The following GPD2 variants were observed in gnomAD, a reference collection of about 807,000 sequenced individuals.
GPD2 encodes the protein glycerol-3-phosphate dehydrogenase 2.
A neutral mutation model predicts 82.4 loss-of-function variants in GPD2; 54 were observed. The observed-to-expected ratio is 0.66, with a 90% CI of 0.53 to 0.82. The LOEUF (loss-of-function observed/expected upper bound fraction) is 0.82. Ranked by LOEUF, GPD2 falls within the 40% of genes least tolerant of loss-of-function variation. The probability of loss-of-function intolerance (pLI) is 0.00; values close to 1 mark genes in which losing one functional copy is unlikely to be tolerated. For synonymous variants in GPD2, 288 were observed against 306.1 expected (o/e 0.94, Z 0.62); for missense variants, 748 against 896.2 (o/e 0.83, Z 2.11).
At chr2:156,482,197 A>G (rs533793355) in intron 2 of GPD2, among the ~76,000 whole-genome samples, 1 of 152,372 alleles carries the variant, frequency 6.6e-6, no homozygotes, top group African/African-American at 2.4e-5. Flanking sequence ...TGGGATTAGT[A>G]GCAAATGATA....
chr2:156,498,748 A>T lies in GPD2; in HGVS notation c.274+2533A>T, dbSNP rs767507457. 4.6e-4 allele frequency among the ~76,000 whole-genome samples: 70 copies of T among 152,280 alleles called. 1 individual carries two copies. The highest frequency in any genetic ancestry group is 6.8e-3 in the Middle Eastern group (2 of 294). On this transcript the variant is annotated intron_variant, in intron 3 of 16. Coordinates refer to ENST00000438166, the MANE Select transcript of GPD2 (RefSeq NM_000408.5). ...TTTCAAGAGATGTGGAGAAAAAGAA[A>T]ATAGAAAGGAGGTAACTTGATGGTG...
Position 156,496,149 on chromosome 2 carries a change from T to C in GPD2, c.208T>C (p.Phe70Leu). 1.9e-6 allele frequency: 3 copies of C among 1,612,988 alleles called. No homozygotes were observed. Among genetic ancestry groups the C allele is most frequent in the Non-Finnish European group, 2.5e-6 (3 of 1,178,996 alleles). ...ACTGACTTTGCAAAACACATCTGAA[T>C]TTGATATCCTTGTTATTGGAGGAGG... ...QLLTLQNTSE[F>L]DILVIGGGAT... The change falls in exon 3 of 17, where the codon TTT becomes CTT. Residue 70 changes from phenylalanine to leucine, a missense_variant. Coordinates refer to ENST00000438166, the MANE Select transcript of GPD2 (RefSeq NM_000408.5).
At chr2:156,408,535 G>C in the GPD2 span, among the ~76,000 whole-genome samples, 1 of 151,774 alleles carries the variant, frequency 6.6e-6, no homozygotes, top group East Asian at 1.9e-4. Flanking sequence ...AGACCAGTCT[G>C]GGCAACATAG....
chr2:156,435,807 A>T (rs1688408177), upstream of GPD2: 1 of 152,404 alleles, frequency 6.6e-6, no homozygotes, highest in Non-Finnish European at 1.5e-5. Flanking sequence ...GTCGTCAGGT[A>T]AGCCAGCCCC....
At chr2:156,485,868 G>T (rs890391184) in intron 2 of GPD2, among the ~76,000 whole-genome samples, 5 of 152,132 alleles carry the variant, frequency 3.3e-5, no homozygotes, top group African/African-American at 1.2e-4. Flanking sequence ...TTCTAATCTG[G>T]TGGACAAATG....
Position 156,512,263 on chromosome 2 carries a change from T to TC in GPD2, c.443_444insC (p.Glu149ArgfsTer33). On this transcript the variant is annotated frameshift_variant, in exon 5 of 17. Transcript: ENST00000438166. LOFTEE classifies it high-confidence loss of function. ...GCCCTTCATGAGCGTGCCAACCTGC[T>TC]AGAAATTGCTCCCCATTTATCAGCT... 4 of 1,606,946 alleles carry TC rather than the reference T, an allele frequency of 2.5e-6. No individual in the cohort carries two copies. Among genetic ancestry groups the TC allele is most frequent in the Non-Finnish European group, 3.4e-6 (4 of 1,173,466 alleles).
intron 16 of GPD2, among the ~76,000 whole-genome samples, 154 bp downstream of exon 16, chr2:156,579,942 C>T (rs1558972810): frequency 2.0e-5 from 3 of 152,216 alleles, no homozygotes; most frequent in Non-Finnish European, 4.4e-5. Flanking sequence ...GTTGATATGT[C>T]TGCCCTCAAG....
At chr2:156,534,227 G>T (rs960690831) in intron 6 of GPD2, among the ~76,000 whole-genome samples, 1 of 146,198 alleles carries the variant, frequency 6.8e-6, no homozygotes, top group South Asian at 2.2e-4. Flanking sequence ...TCTTCTTGAT[G>T]TTTAAATGCC....
chr2:156,561,229 G>A (rs930459261), intron 9 of GPD2, among the ~76,000 whole-genome samples: 7 of 151,506 alleles, frequency 4.6e-5, no homozygotes, highest in African/African-American at 1.7e-4. Context: ...TGTATTTTTA[G>A]TACAGACTGT....
intron 13 of GPD2, among the ~76,000 whole-genome samples, chr2:156,578,617 T>G (rs1038107553): frequency 2.0e-5 from 3 of 152,222 alleles, no homozygotes; most frequent in African/African-American, 7.2e-5. Context: ...AGTCAGTGTT[T>G]GCCTGTGGCT....
At chr2:156,425,913 AG>A in the GPD2 span, among the ~76,000 whole-genome samples, 7 of 149,238 alleles carry the variant, frequency 4.7e-5, no homozygotes, top group East Asian at 1.4e-3. Context: ...GAACTGCCGG[AG>A]TCTGGGTACT....
chr2:156,511,077 TG>T (rs1441749501), intron 4 of GPD2, among the ~76,000 whole-genome samples, 157 bp downstream of exon 4: 2 of 152,244 alleles, frequency 1.3e-5, no homozygotes, highest in Non-Finnish European at 2.9e-5. Context: ...AGGAGAGGTG[TG>T]TCAGTTCTTT....
rs71419101 is a variant in GPD2 at position 156,575,577 on chromosome 2, A to C, written c.1768-3312A>C. 3.5e-3 allele frequency among the ~76,000 whole-genome samples: 532 copies of C among 150,858 alleles called. 2 individuals carry two copies. Among genetic ancestry groups the C allele is most frequent in the Non-Finnish European group, 6.1e-3 (414 of 67,630 alleles). ...ACCACCATGCCCAGCTAGTTTTTAA[A>C]ATTTTTTTTGTGGAGACAGGGTTTT... On this transcript the variant is annotated intron_variant, in intron 13 of 16. Transcript: ENST00000438166.
At chr2:156,447,714 ATTCT>A (rs1682417000) in intron 1 of GPD2, among the ~76,000 whole-genome samples, 1 of 152,216 alleles carries the variant, frequency 6.6e-6, no homozygotes, top group African/African-American at 2.4e-5. Context: ...GATTCTGCTC[ATTCT>A]CTTTTCTGTG....
In GPD2 at chr2:156,586,270, T is replaced by C. The variant is rs915944983; in HGVS notation, c.*3352T>C. On this transcript the variant is annotated 3_prime_UTR_variant, in exon 17 of 17. Transcript: ENST00000438166. ...TGTTTTTGATGACACAAAAGTGAAATATCTACAGAGATAGATGTAATTTTA... is the reference window on the plus strand; with the variant it reads ...TGTTTTTGATGACACAAAAGTGAAACATCTACAGAGATAGATGTAATTTTA... 6.6e-6 allele frequency: 1 copy of C among 152,398 alleles called. No homozygotes were observed. Among genetic ancestry groups the C allele is most frequent in the Non-Finnish European group, 1.5e-5 (1 of 67,968 alleles). 9.4% of individuals were successfully genotyped at this position (152,398 alleles called of 1,614,324 possible).
chr2:156,413,557 C>G, the GPD2 span, among the ~76,000 whole-genome samples: 2 of 151,116 alleles, frequency 1.3e-5, no homozygotes, highest in African/African-American at 4.9e-5. Flanking sequence ...GGACTCCAGC[C>G]TGGGTGTGAC....
the GPD2 span, among the ~76,000 whole-genome samples, chr2:156,410,091 C>A: frequency 6.6e-6 from 1 of 152,212 alleles, no homozygotes; most frequent in Non-Finnish European, 1.5e-5. Context: ...AAGTAATTGA[C>A]AGCCACTTTT....
At chr2:156,482,381 T>C (rs1683764544) in intron 2 of GPD2, among the ~76,000 whole-genome samples, 1 of 152,198 alleles carries the variant, frequency 6.6e-6, no homozygotes, top group South Asian at 2.1e-4. Flanking sequence ...ACTGTTTCTT[T>C]CTTTTTTTCT....
At chr2:156,446,707 G>A (rs996130668) in intron 1 of GPD2, among the ~76,000 whole-genome samples, 2 of 151,850 alleles carry the variant, frequency 1.3e-5, no homozygotes, top group Non-Finnish European at 2.9e-5. Context: ...GGGATTACAG[G>A]TACGTGCCAC....
Sources: allele counts gnomAD v4.1 joint callset (sites outside exome capture counted in the v4.1 genomes callset), GRCh38; gene constraint gnomAD v4.1.1; transcripts MANE v1.5; gene names NCBI Gene and HGNC (gene_info 2026-07-23, HGNC 2026-07-21).